CHN2: variants seen among roughly 807,000 people sequenced by gnomAD.
CHN2 encodes the protein chimerin 2.
In CHN2, 35 loss-of-function variants were observed where a neutral mutation model predicts 56.3. The ratio of observed to expected loss-of-function variants is 0.62; its 90% CI spans 0.47 to 0.82. The LOEUF is 0.82. Ranked by LOEUF, CHN2 falls within the 40% of genes least tolerant of loss-of-function variation. The pLI is 0.00. For missense variants in CHN2, 491 were observed against 580.5 expected (o/e 0.85, Z 1.58); for synonymous variants, 210 against 212.8 (o/e 0.99, Z 0.12).
intron 1 of CHN2, among the ~76,000 whole-genome samples, chr7:29,274,837 C>T (rs1791051932): frequency 6.6e-6 from 1 of 152,162 alleles, no homozygotes; most frequent in African/African-American, 2.4e-5. Flanking sequence ...TCTGATCTTT[C>T]CAGGGCTGGC....
rs1801518196 is a variant in CHN2 at position 29,393,612 on chromosome 7, A to C, written c.145-67A>C. The C allele has an allele frequency of 6.2e-5, 44 of 714,582 alleles. 1 individual carries two copies. In the South Asian group the frequency reaches 7.0e-4, roughly 11 times the overall value. 44.3% of individuals were successfully genotyped at this position (714,582 alleles called of 1,614,324 possible). On this transcript the variant is annotated intron_variant, in intron 3 of 12. Coordinates refer to ENST00000222792, the MANE Select transcript of CHN2 (RefSeq NM_004067.4). ...CCAGGACCCTAGTTCTGTTTATTTG[A>C]ATAGCATTTTTATCTAGCTGATTTG...
chr7:29,407,310 C>T (rs1265098640), intron 6 of CHN2, among the ~76,000 whole-genome samples: 1 of 151,920 alleles, frequency 6.6e-6, no homozygotes, highest in African/African-American at 2.4e-5. Context: ...ATGGGATCCA[C>T]AACTGTGCCA....
chr7:29,195,627 A>AGAGGGAGAGAGG (rs1783620399), intron 1 of CHN2, among the ~76,000 whole-genome samples: 5 of 116,726 alleles, frequency 4.3e-5, no homozygotes, highest in African/African-American at 2.0e-4. Context: ...AGAGAGAGAG[A>AGAGGGAGAGAGG]GAGTGTGTGT....
At chr7:29,479,382 G>A (rs183390357) in intron 6 of CHN2, among the ~76,000 whole-genome samples, 119 of 152,292 alleles carry the variant, frequency 7.8e-4, no homozygotes, top group African/African-American at 2.7e-3. Context: ...AGGAGAGACC[G>A]GGGAGTGTCC....
chr7:29,200,895 G>A (rs1049408177), intron 1 of CHN2: 2 of 152,142 alleles, frequency 1.3e-5, no homozygotes, highest in African/African-American at 4.8e-5. Flanking sequence ...TGGGATGAGT[G>A]TATCATCAAC....
chr7:29,224,715 T>C (rs902090290), intron 1 of CHN2, among the ~76,000 whole-genome samples: 3 of 152,214 alleles, frequency 2.0e-5, no homozygotes, highest in African/African-American at 7.2e-5. Flanking sequence ...CTCCACCATG[T>C]TTTCATTTCT....
intron 7 of CHN2, among the ~76,000 whole-genome samples, chr7:29,485,262 A>T (rs1450131503): frequency 6.6e-6 from 1 of 152,160 alleles, no homozygotes; most frequent in Non-Finnish European, 1.5e-5. Context: ...CTGGGCAGGT[A>T]ATGTGTGAGA....
At chr7:29,148,985 G>T (rs1793177763) in intron 2 of CHN2, among the ~76,000 whole-genome samples, 1 of 152,054 alleles carries the variant, frequency 6.6e-6, no homozygotes, top group Admixed American at 6.6e-5. Context: ...GGCAGCACAG[G>T]CAATGAGCAG....
intron 1 of CHN2, among the ~76,000 whole-genome samples, chr7:29,298,113 G>A (rs1417894441): frequency 2.0e-5 from 3 of 152,184 alleles, no homozygotes; most frequent in Non-Finnish European, 2.9e-5. Context: ...GCGGCCTAAA[G>A]CATAAGAATT....
intron 6 of CHN2, among the ~76,000 whole-genome samples, chr7:29,458,098 GTA>G (rs1784897244): frequency 6.6e-6 from 1 of 152,094 alleles, no homozygotes; most frequent in African/African-American, 2.4e-5. Flanking sequence ...CCCTGTTATT[GTA>G]TGTCACAAAA....
intron 6 of CHN2, among the ~76,000 whole-genome samples, chr7:29,427,539 T>C (rs1295307290): frequency 2.6e-5 from 4 of 152,170 alleles, no homozygotes; most frequent in African/African-American, 9.7e-5. Flanking sequence ...CTCGCTTCCA[T>C]AGTCTTTGGT....
intron 6 of CHN2, among the ~76,000 whole-genome samples, chr7:29,471,650 T>G (rs1786053175): frequency 6.6e-6 from 1 of 151,892 alleles, no homozygotes; most frequent in African/African-American, 2.4e-5. Flanking sequence ...ACATCGAGAG[T>G]CGCCATCTGT....
chr7:29,246,773 C>A (rs1788110651), intron 1 of CHN2, among the ~76,000 whole-genome samples: 1 of 152,192 alleles, frequency 6.6e-6, no homozygotes, highest in Admixed American at 6.5e-5. Context: ...AGCCTTCTTC[C>A]TCATAGATGG....
chr7:29,442,220 A>G (rs993815623), intron 6 of CHN2, among the ~76,000 whole-genome samples: 1 of 152,204 alleles, frequency 6.6e-6, no homozygotes, highest in Non-Finnish European at 1.5e-5. Flanking sequence ...GAAAGAAAGG[A>G]AAGAAGTGGC....
At chr7:29,503,660 G>A (rs777648873) in intron 9 of CHN2, among the ~76,000 whole-genome samples, 1 of 152,178 alleles carries the variant, frequency 6.6e-6, no homozygotes, top group African/African-American at 2.4e-5. Flanking sequence ...TTTACGCCAC[G>A]TATTTGTTGT....
intron 1 of CHN2, among the ~76,000 whole-genome samples, chr7:29,265,216 A>C (rs1790040059): frequency 6.6e-6 from 1 of 152,150 alleles, no homozygotes; most frequent in South Asian, 2.1e-4. Flanking sequence ...AGCAACTTCA[A>C]GTTTCCAGAA....
intron 1 of CHN2, among the ~76,000 whole-genome samples, chr7:29,219,302 T>C (rs1290523441): frequency 6.6e-6 from 1 of 152,214 alleles, no homozygotes; most frequent in African/African-American, 2.4e-5. Flanking sequence ...GTCAAAGGTG[T>C]ATTTTACAAT....
At chr7:29,511,335 TA>T (rs1329639087) in intron 12 of CHN2, among the ~76,000 whole-genome samples, 5 of 152,236 alleles carry the variant, frequency 3.3e-5, no homozygotes, top group South Asian at 2.1e-4. Flanking sequence ...AAACTATGGG[TA>T]TCACATCTGG....
chr7:29,154,693 G>A (rs905505334), intron 2 of CHN2, among the ~76,000 whole-genome samples: 3 of 152,098 alleles, frequency 2.0e-5, no homozygotes, highest in Non-Finnish European at 4.4e-5. Context: ...AAATTAGCCA[G>A]GTGTGGTGGC....
Sources: allele counts gnomAD v4.1 joint callset (sites outside exome capture counted in the v4.1 genomes callset), GRCh38; gene constraint gnomAD v4.1.1; transcripts MANE v1.5; gene names NCBI Gene and HGNC (gene_info 2026-07-23, HGNC 2026-07-21).